Variants in RARRES1 observed in about 807,000 individuals in gnomAD.
RARRES1 encodes the protein retinoic acid receptor responder 1.
Under a neutral mutation model 30.6 loss-of-function variants are expected in RARRES1, and 34 were observed. The ratio of observed to expected loss-of-function variants is 1.11; its 90% CI spans 0.84 to 1.48. RARRES1 has a LOEUF of 1.48. Among genes scored for constraint, RARRES1 ranks in the 40% most tolerant of loss-of-function variants. RARRES1 has a pLI of 0.00. For synonymous variants in RARRES1, 153 were observed against 155.5 expected (o/e 0.98, Z 0.12); for missense variants, 373 against 386.5 (o/e 0.97, Z 0.29).
chr3:158,728,526 T>TG (rs1334291618), intron 1 of RARRES1, among the ~76,000 whole-genome samples: 4 of 148,104 alleles, frequency 2.7e-5, no homozygotes, highest in African/African-American at 7.5e-5. Flanking sequence ...CTTTTTTTTT[T>TG]TTTTTTTTGG....
At chr3:158,704,988 T>C in intron 3 of RARRES1, 61 bp from the exon 4 acceptor site, 1 of 1,570,702 alleles carries the variant, frequency 6.4e-7, no homozygotes, top group South Asian at 1.2e-5. Flanking sequence ...ATCTCAGAAG[T>C]TGCAGAAATG....
chr3:158,716,439 T>C (rs1727324604), intron 1 of RARRES1, among the ~76,000 whole-genome samples: 1 of 152,192 alleles, frequency 6.6e-6, no homozygotes, highest in South Asian at 2.1e-4. Context: ...ATATTTTAAA[T>C]ACAGGACTTA....
chr3:158,717,981 A>ATTTT (rs10663483), intron 1 of RARRES1, among the ~76,000 whole-genome samples: 1,958 of 144,522 alleles, frequency 0.014, 64 homozygotes, highest in African/African-American at 0.041. Flanking sequence ...TATTAAGACA[A>ATTTT]TTTTTTTTTT....
Position 158,700,113 on chromosome 3 carries a change from C to T in RARRES1, c.673-2143G>A, listed in dbSNP as rs143081794. Among the ~76,000 whole-genome samples, 1,153 of 152,044 alleles carry T rather than the reference C, an allele frequency of 7.6e-3. 22 individuals carry two copies. Among genetic ancestry groups the T allele is most frequent in the African/African-American group, 0.027 (1,118 of 41,446 alleles). On this transcript the variant is annotated intron_variant, in intron 4 of 5. Coordinates refer to ENST00000237696, the MANE Select transcript of RARRES1 (RefSeq NM_206963.2). Reference sequence around the variant, plus strand: ...CTTTGGGAGGCCAAAGTGGGAGGATCACTTGAGCCCAGGAGTTCGAGACCA... The same window carrying T: ...CTTTGGGAGGCCAAAGTGGGAGGATTACTTGAGCCCAGGAGTTCGAGACCA...
At chr3:158,702,589 T>G (rs1363962072) in intron 4 of RARRES1, among the ~76,000 whole-genome samples, 2 of 152,214 alleles carry the variant, frequency 1.3e-5, no homozygotes, top group Admixed American at 1.3e-4. Flanking sequence ...TCTATTCCTA[T>G]TAAGTTTTCC....
chr3:158,725,427 A>G (rs1727655835), intron 1 of RARRES1, among the ~76,000 whole-genome samples: 1 of 152,166 alleles, frequency 6.6e-6, no homozygotes, highest in African/African-American at 2.4e-5. Flanking sequence ...TTGTGGGCTG[A>G]TTATTTACAT....
intron 1 of RARRES1, among the ~76,000 whole-genome samples, chr3:158,728,516 C>CTTTTTTTTTTTTT (rs755791546): frequency 1.9e-4 from 25 of 133,920 alleles, no homozygotes; most frequent in African/African-American, 4.0e-4. Context: ...CTTTTTCTTT[C>CTTTTTTTTTTTTT]TTTTTTTTTT....
At chr3:158,728,570 C>G (rs146973368) in intron 1 of RARRES1, among the ~76,000 whole-genome samples, 1,629 of 148,002 alleles carry the variant, frequency 0.011, 17 homozygotes, top group Middle Eastern at 0.025. Flanking sequence ...GTCACCCAGG[C>G]TGGAGTGCAG....
chr3:158,728,516 C>CTTTTTTTTTTTTTTTTTTT (rs755791546), intron 1 of RARRES1, among the ~76,000 whole-genome samples: 1 of 133,944 alleles, frequency 7.5e-6, no homozygotes, highest in African/African-American at 2.9e-5. Context: ...CTTTTTCTTT[C>CTTTTTTTTTTTTTTTTTTT]TTTTTTTTTT....
intron 1 of RARRES1, among the ~76,000 whole-genome samples, chr3:158,725,740 G>T (rs182053259): frequency 6.6e-6 from 1 of 152,328 alleles, no homozygotes; most frequent in Admixed American, 6.5e-5. Flanking sequence ...AAAGTGCCAA[G>T]GAGGTCAAAG....
chr3:158,713,114 T>C (rs896665949), intron 2 of RARRES1, among the ~76,000 whole-genome samples: 6 of 152,186 alleles, frequency 3.9e-5, no homozygotes, highest in Non-Finnish European at 8.8e-5. Flanking sequence ...TCCTGGATGC[T>C]GCCTGCTCCA....
intron 4 of RARRES1, among the ~76,000 whole-genome samples, chr3:158,700,401 A>G (rs545198048): frequency 6.6e-6 from 1 of 152,152 alleles, no homozygotes; most frequent in South Asian, 2.1e-4. Flanking sequence ...TTGACAGACT[A>G]TTTTGGTAAA....
chr3:158,725,618 G>A (rs541049813), intron 1 of RARRES1, among the ~76,000 whole-genome samples: 7 of 152,106 alleles, frequency 4.6e-5, no homozygotes, highest in South Asian at 4.2e-4. Context: ...GGAAAATGTC[G>A]TGGGCTGGTA....
intron 3 of RARRES1, among the ~76,000 whole-genome samples, chr3:158,709,918 G>T (rs906686333): frequency 9.2e-5 from 14 of 152,222 alleles, no homozygotes; most frequent in Non-Finnish European, 1.9e-4. Flanking sequence ...CAGCACCACT[G>T]CCCATTAACC....
At chr3:158,700,191 AAAT>A (rs760421654) in intron 4 of RARRES1, among the ~76,000 whole-genome samples, 3 of 140,932 alleles carry the variant, frequency 2.1e-5, no homozygotes, top group Non-Finnish European at 3.1e-5. Context: ...TTTATTTAAA[AAAT>A]AATAATAAGT....
chr3:158,727,062 T>G (rs1576824613), intron 1 of RARRES1, among the ~76,000 whole-genome samples: 1 of 152,204 alleles, frequency 6.6e-6, no homozygotes, highest in Non-Finnish European at 1.5e-5. Context: ...TGTAAGCTCC[T>G]TGAGGCCTCT....
At chr3:158,702,521 C>T (rs776076284) in intron 4 of RARRES1, among the ~76,000 whole-genome samples, 9 of 152,158 alleles carry the variant, frequency 5.9e-5, no homozygotes, top group Non-Finnish European at 1.0e-4. Flanking sequence ...TATGCAACTG[C>T]AAAAGAAAGG....
In RARRES1 at chr3:158,697,976, G is replaced by T; in HGVS notation, c.673-6C>A. 6.7e-7 allele frequency: 1 copy of T among 1,499,374 alleles called. No individual in the cohort carries two copies. Among genetic ancestry groups the T allele is most frequent in the Non-Finnish European group, 9.2e-7 (1 of 1,083,794 alleles). The allele number at this position is 1,499,374 out of a possible 1,614,324, so 92.9% of individuals were successfully genotyped here. A position where few individuals can be genotyped will look rare whatever the true frequency, so the allele number is the denominator to read the frequency against. ...ATTGTATCATCATTAGTTTTCTAGA[G>T]GGAGAAAAAAGAGTTAGTGTAATAA... is the stretch of plus-strand genomic sequence containing the variant. On this transcript the variant is annotated splice_region_variant and splice_polypyrimidine_tract_variant and intron_variant, in intron 4 of 5. Coordinates refer to ENST00000237696, the MANE Select transcript of RARRES1 (RefSeq NM_206963.2).
At chr3:158,732,102 A>G in intron 1 of RARRES1, 38 bp downstream of exon 1, 1 of 1,306,298 alleles carries the variant, frequency 7.7e-7, no homozygotes, top group Non-Finnish European at 9.7e-7. Context: ...GTGCGCGGAC[A>G]GGCAGGCGCG....
Sources: gnomAD v4.1 joint callset for allele counts (sites outside exome capture counted in the v4.1 genomes callset) on GRCh38, gnomAD v4.1.1 for gene constraint, MANE v1.5 for transcripts, NCBI Gene and HGNC (gene_info 2026-07-23, HGNC 2026-07-21) for gene names.